Variants in CHSY3 observed in about 807,000 individuals in gnomAD.
CHSY3 encodes chondroitin sulfate synthase 3, also known as N-acetylgalactosaminyl-proteoglycan 3-beta-glucuronosyltransferase 3.
A neutral mutation model predicts 67.2 loss-of-function variants in CHSY3; 35 were observed. The ratio of observed to expected loss-of-function variants is 0.52; its 90% CI spans 0.40 to 0.69. The LOEUF is 0.69. Ranked by LOEUF, CHSY3 falls within the 30% of genes least tolerant of loss-of-function variation. CHSY3 has a pLI of 0.00. For synonymous variants in CHSY3, 474 were observed against 434.7 expected (o/e 1.09, Z -1.12); for missense variants, 1,069 against 1,138.5 (o/e 0.94, Z 0.88).
chr5:130,171,596 A>G lies in CHSY3; in HGVS notation c.1087-12633A>G, dbSNP rs1405581128. On this transcript the variant is annotated intron_variant, in intron 2 of 2. Transcript: ENST00000305031. ...TGAAAGTGTTTTTAAGTTGTATAGA[A>G]TATATCTTTCTGAGAAATCTTTATC... Among the ~76,000 whole-genome samples, 4 of 152,334 alleles carry G rather than the reference A, an allele frequency of 2.6e-5. No homozygotes were observed. In the East Asian group the frequency reaches 5.8e-4, roughly 22 times the overall value.
chr5:130,184,203 C>T, intron 2 of CHSY3, 26 bp from the exon 3 acceptor site: 1 of 1,436,574 alleles, frequency 7.0e-7, no homozygotes, highest in Non-Finnish European at 9.2e-7. Flanking sequence ...AAAATTAACC[C>T]TGATTTTTTT....
chr5:130,043,544 A>G (rs1426936676), intron 2 of CHSY3, among the ~76,000 whole-genome samples: 1 of 152,160 alleles, frequency 6.6e-6, no homozygotes, highest in Non-Finnish European at 1.5e-5. Context: ...TTTGGTGGAC[A>G]GGAATAATGC....
intron 2 of CHSY3, among the ~76,000 whole-genome samples, chr5:130,076,120 A>G (rs1766240706): frequency 1.3e-5 from 2 of 151,998 alleles, no homozygotes; most frequent in Non-Finnish European, 2.9e-5. Context: ...ACCCTGTGCC[A>G]TTGTACTTCT....
At chr5:130,163,856 C>A (rs1484216792) in intron 2 of CHSY3, among the ~76,000 whole-genome samples, 1 of 152,102 alleles carries the variant, frequency 6.6e-6, no homozygotes, top group Non-Finnish European at 1.5e-5. Context: ...TGATACCTTG[C>A]AAAGAAGAGT....
In CHSY3 at chr5:130,125,783, C is replaced by G. The variant is rs1015517523; in HGVS notation, c.1087-58446C>G. 2.0e-5 allele frequency among the ~76,000 whole-genome samples: 3 copies of G among 152,168 alleles called. No individual in the cohort carries two copies. The East Asian group carries it at 5.8e-4, about 29-fold the overall frequency. ...AAAAGAGGTAAGTGATCCCAGAAAG[C>G]TGCTCTCATAAGAATGGCTACTAAG... On this transcript the variant is annotated intron_variant, in intron 2 of 2. Transcript: ENST00000305031.
At chr5:130,092,504 A>C (rs1221561324) in intron 2 of CHSY3, among the ~76,000 whole-genome samples, 1 of 152,202 alleles carries the variant, frequency 6.6e-6, no homozygotes, top group Non-Finnish European at 1.5e-5. Flanking sequence ...ATATTCCACT[A>C]ACCCTAAAAT....
At chr5:130,104,973 G>T (rs1439421600) in intron 2 of CHSY3, among the ~76,000 whole-genome samples, 1 of 151,654 alleles carries the variant, frequency 6.6e-6, no homozygotes, top group Non-Finnish European at 1.5e-5. Flanking sequence ...CTTGGAGACA[G>T]TTAGGGTTTG....
intron 2 of CHSY3, among the ~76,000 whole-genome samples, chr5:130,060,142 T>C (rs1279161340): frequency 1.3e-5 from 2 of 152,138 alleles, no homozygotes; most frequent in Non-Finnish European, 2.9e-5. Context: ...GCAACATCCC[T>C]GATAACACAG....
chr5:130,173,774 T>C lies in CHSY3; in HGVS notation c.1087-10455T>C, dbSNP rs115061494. Among the ~76,000 whole-genome samples, 1,125 of 152,196 alleles carry C rather than the reference T, an allele frequency of 7.4e-3. 2 individuals are homozygous for C. Among genetic ancestry groups the C allele is most frequent in the African/African-American group, 0.025 (1,023 of 41,568 alleles). ...TTTCATTCTTTCCATAATTATAGAA[T>C]GAAATATGTATGTTTATTTTCCCTC... On this transcript the variant is annotated intron_variant, in intron 2 of 2. Transcript: ENST00000305031.
chr5:129,909,167 T>C (rs1319160238), intron 2 of CHSY3, among the ~76,000 whole-genome samples: 1 of 152,138 alleles, frequency 6.6e-6, no homozygotes, highest in Non-Finnish European at 1.5e-5. Flanking sequence ...AATAACATTT[T>C]ATTTAAAATA....
intron 2 of CHSY3, among the ~76,000 whole-genome samples, chr5:130,022,533 C>T (rs1764423840): frequency 1.3e-5 from 2 of 151,904 alleles, no homozygotes. Context: ...AGTACCAATT[C>T]TATTTATTCT....
chr5:130,113,393 C>A (rs1364114905), intron 2 of CHSY3, among the ~76,000 whole-genome samples: 1 of 152,064 alleles, frequency 6.6e-6, no homozygotes, highest in Non-Finnish European at 1.5e-5. Flanking sequence ...AAGTACAGTT[C>A]TATGTACTTT....
chr5:130,132,584 A>G (rs964382720), intron 2 of CHSY3, among the ~76,000 whole-genome samples: 1 of 152,168 alleles, frequency 6.6e-6, no homozygotes, highest in African/African-American at 2.4e-5. Flanking sequence ...CTGCTTTCTA[A>G]CAGTATCCTC....
intron 2 of CHSY3, among the ~76,000 whole-genome samples, chr5:130,132,905 A>C (rs1768528578): frequency 6.6e-6 from 1 of 152,178 alleles, no homozygotes; most frequent in South Asian, 2.1e-4. Flanking sequence ...AAGTACCCTA[A>C]CACTGGCCTC....
In CHSY3 at chr5:130,021,951, G is replaced by T. The variant is rs557172111; in HGVS notation, c.1086+113591G>T. On this transcript the variant is annotated intron_variant, in intron 2 of 2. Coordinates refer to ENST00000305031, the MANE Select transcript of CHSY3 (RefSeq NM_175856.5). ...TGCCATCTATTGGAAAGATCCATACGTAGTCAGATCCATGGAGTACAGGAC... is the reference window on the plus strand; with the variant it reads ...TGCCATCTATTGGAAAGATCCATACTTAGTCAGATCCATGGAGTACAGGAC... Among the ~76,000 whole-genome samples the T allele has an allele frequency of 3.9e-4, 59 of 152,134 alleles. 1 individual carries two copies. The South Asian group carries it at 0.012, about 30-fold the overall frequency.
At chr5:130,001,803 A>G (rs770071853) in intron 2 of CHSY3, 25 of 811,606 alleles carry the variant, frequency 3.1e-5, no homozygotes, top group Non-Finnish European at 3.6e-5. Context: ...TATCTAGATT[A>G]TGGGAATACA....
At chr5:129,998,691 G>A (rs1442250030) in intron 2 of CHSY3, among the ~76,000 whole-genome samples, 2 of 151,772 alleles carry the variant, frequency 1.3e-5, no homozygotes, top group Admixed American at 6.6e-5. Flanking sequence ...TGTTTTTGCA[G>A]GTTTTTTGAC....
chr5:130,059,188 T>C (rs1765629874), intron 2 of CHSY3, among the ~76,000 whole-genome samples: 2 of 152,130 alleles, frequency 1.3e-5, no homozygotes, highest in African/African-American at 4.8e-5. Flanking sequence ...GAAAAAAGAA[T>C]TTTGTCTCAA....
At chr5:130,120,420 C>T (rs1183354548) in intron 2 of CHSY3, among the ~76,000 whole-genome samples, 1 of 149,016 alleles carries the variant, frequency 6.7e-6, no homozygotes, top group African/African-American at 2.5e-5. Flanking sequence ...ATACGATCAG[C>T]TCCTTAGGGA....
Sources: allele counts gnomAD v4.1 joint callset (sites outside exome capture counted in the v4.1 genomes callset), GRCh38; gene constraint gnomAD v4.1.1; transcripts MANE v1.5; gene names NCBI Gene and HGNC (gene_info 2026-07-23, HGNC 2026-07-21).